Variants in CELSR1 observed in about 807,000 individuals in gnomAD.
The protein encoded by CELSR1 is cadherin EGF LAG seven-pass G-type receptor 1, also known as adhesion G protein-coupled receptor C1.
A neutral mutation model predicts 249.1 loss-of-function variants in CELSR1; 110 were observed. That is an observed-to-expected ratio of 0.44 (90% confidence interval 0.38 to 0.52). The LOEUF (loss-of-function observed/expected upper bound fraction) is 0.52, where lower values mean the gene tolerates loss of function less well. CELSR1 is among the 20% of genes least tolerant of loss of function. The pLI, the probability that CELSR1 is intolerant of heterozygous loss-of-function variation, is 0.00. For missense variants in CELSR1, 4,109 were observed against 4,296.4 expected (o/e 0.96, Z 1.22); for synonymous variants, 2,113 against 1,900.0 (o/e 1.11, Z -2.92).
In CELSR1 at chr22:46,398,550, G is replaced by C; in HGVS notation, c.5500C>G (p.Arg1834Gly). 1.2e-6 allele frequency: 2 copies of C among 1,612,804 alleles called. No homozygotes were observed. The highest frequency in any genetic ancestry group is 2.2e-5 in the South Asian group (2 of 91,004). Residue 1834 changes from arginine (R) to glycine (G), a missense_variant, in exon 11 of 35, where the codon CGC becomes GGC. Arg to Gly is a moderately radical substitution (Grantham distance 125). Coordinates refer to ENST00000674500, the MANE Select transcript of CELSR1 (RefSeq NM_001378328.1). The surrounding 1 kb of genome is among the most constrained non-coding windows in gnomAD (Gnocchi z 7.2). ...TGCATGCAGCCTCGGAATCCACGGCGCACGGAGACCTTGTCTTCAGAGGCG... is the reference window on the plus strand; with the variant it reads ...TGCATGCAGCCTCGGAATCCACGGCCCACGGAGACCTTGTCTTCAGAGGCG... ...GGASEDKVSV[R>G]RGFRGCMQGV... is the part of the protein sequence containing the mutation.
rs978102000 is a variant in CELSR1 at position 46,362,228 on chromosome 22, G to A, written c.*995C>T. 1 of 152,310 alleles carries A rather than the reference G, an allele frequency of 6.6e-6. No homozygotes were observed. The highest frequency in any genetic ancestry group is 2.4e-5 in the African/African-American group (1 of 41,474). 9.4% of individuals were successfully genotyped at this position (152,310 alleles called of 1,614,324 possible). ...CCCACCTGCAGCTCCCGGGCCACCT[G>A]GGAGGCGGTGAGGGGAGGGGGTGGT... is the stretch of plus-strand genomic sequence containing the variant. On this transcript the variant is annotated 3_prime_UTR_variant, in exon 35 of 35. Coordinates refer to ENST00000674500, the MANE Select transcript of CELSR1 (RefSeq NM_001378328.1).
Position 46,367,136 on chromosome 22 carries a change from G to T in CELSR1, c.8080-18C>A. The T allele has an allele frequency of 6.2e-7, 1 of 1,607,860 alleles. No individual in the cohort carries two copies. ...AAGGGGCCCTGGAGGGAGGAAGGTG[G>T]GGTCAGCACCTGCTGCTGCCTCCCT... On this transcript the variant is annotated intron_variant, in intron 28 of 34. Coordinates refer to ENST00000674500, the MANE Select transcript of CELSR1 (RefSeq NM_001378328.1).
In CELSR1 at chr22:46,428,806, G is replaced by A. The variant is rs892195648; in HGVS notation, c.4611+4587C>T. On this transcript the variant is annotated intron_variant, in intron 5 of 34. Transcript: ENST00000674500. The surrounding 1 kb of genome is among the most constrained non-coding windows in gnomAD (Gnocchi z 5.7). ...CTGCCTCACTGCACAGCTCACTCAC[G>A]GGTCCCCAGCGGGCCACACTGCCTG... is the stretch of plus-strand genomic sequence containing the variant. Among the ~76,000 whole-genome samples, 7 of 152,136 alleles carry A rather than the reference G, an allele frequency of 4.6e-5. No individual in the cohort carries two copies. The highest frequency in any genetic ancestry group is 1.9e-4 in the East Asian group (1 of 5,184).
In CELSR1 at chr22:46,428,118, C is replaced by T. The variant is rs1442867683; in HGVS notation, c.4611+5275G>A. On this transcript the variant is annotated intron_variant, in intron 5 of 34. Transcript: ENST00000674500. The surrounding 1 kb of genome is among the most constrained non-coding windows in gnomAD (Gnocchi z 5.7). ...ATGGAAATCTCAAAGCACTTACATC[C>T]TCTGCTCAACAGAAGCAGAGGCCGG... 2.6e-5 allele frequency among the ~76,000 whole-genome samples: 4 copies of T among 152,198 alleles called. No individual in the cohort carries two copies. Among genetic ancestry groups the T allele is most frequent in the Admixed American group, 6.5e-5 (1 of 15,286 alleles).
Position 46,535,611 on chromosome 22 carries a change from G to A in CELSR1, c.1560C>T (p.Asn520=). ...TCTGGACATCCTCGAAATCCAAGGG[G>A]TTGATCACATCCAGGATCCCGCTCA... is the stretch of plus-strand genomic sequence containing the variant. ...HSLSGILDVI[N]PLDFEDVQKY... is the part of the protein sequence containing the mutation. The change falls in exon 1 of 35, where the codon AAC becomes AAT. Residue 520 remains asparagine (N), a synonymous_variant. Coordinates refer to ENST00000674500, the MANE Select transcript of CELSR1 (RefSeq NM_001378328.1). 1.2e-6 allele frequency: 2 copies of A among 1,613,464 alleles called. No homozygotes were observed. Among genetic ancestry groups the A allele is most frequent in the East Asian group, 2.2e-5 (1 of 44,886 alleles).
rs1420526899 is a variant in CELSR1, at chr22:46,391,221, T to C, written c.6215A>G (p.Gln2072Arg). The part of the protein sequence containing the change: ...GIWWPQTKFG[Q>R]PAAVPCPKGS... ...CTTAGGGCATGGCACCGCAGCCGGC[T>C]GCCCGAACTTGGTCTGTGGCCACCA... Residue 2072 changes from glutamine to arginine, a missense_variant, in exon 16 of 35, where the codon CAG becomes CGG. Physicochemically the swap from Gln to Arg is conservative, Grantham distance 43 (BLOSUM62 1). Transcript: ENST00000674500. The surrounding 1 kb of genome is among the most constrained non-coding windows in gnomAD (Gnocchi z 4.3). 4.3e-6 allele frequency: 7 copies of C among 1,613,510 alleles called. No individual in the cohort carries two copies. The highest frequency in any genetic ancestry group is 4.5e-5 in the East Asian group (2 of 44,878).
At chr22:46,465,414 G>T (rs1237320003) in intron 1 of CELSR1, among the ~76,000 whole-genome samples, 4 of 152,042 alleles carry the variant, frequency 2.6e-5, no homozygotes, top group African/African-American at 9.7e-5. Flanking sequence ...CTGGGCCTCA[G>T]TAACTGCCCC....
intron 1 of CELSR1, among the ~76,000 whole-genome samples, chr22:46,509,727 C>T (rs1407000227): frequency 6.6e-6 from 1 of 151,996 alleles, no homozygotes; most frequent in Non-Finnish European, 1.5e-5. Flanking sequence ...CTGTGGGGCT[C>T]CTGAGGATGG....
chr22:46,453,851 A>G (rs1002244312), intron 2 of CELSR1, among the ~76,000 whole-genome samples: 2 of 152,094 alleles, frequency 1.3e-5, no homozygotes, highest in African/African-American at 4.8e-5. Context: ...CCTTCAACAA[A>G]TATTTACCGG....
At chr22:46,442,277 G>A (rs56294871) in intron 2 of CELSR1, among the ~76,000 whole-genome samples, 2,020 of 152,380 alleles carry the variant, frequency 0.013, 48 homozygotes, top group African/African-American at 0.046. Flanking sequence ...CTGAGACCCT[G>A]CACTCAGATT....
chr22:46,461,745 C>G lies in CELSR1; in HGVS notation c.4183+1962G>C, dbSNP rs1195428300. ...AGTAAAGATGGCGTCCTTGCCAACT[C>G]TTGGGAGCGTAACAGGCCCCTTTCC... On this transcript the variant is annotated intron_variant, in intron 2 of 34. Transcript: ENST00000674500. Among the ~76,000 whole-genome samples, 3 of 152,264 alleles carry G rather than the reference C, an allele frequency of 2.0e-5. No homozygotes were observed. In the South Asian group the frequency reaches 6.2e-4, roughly 31 times the overall value.
intron 1 of CELSR1, among the ~76,000 whole-genome samples, chr22:46,489,366 C>A (rs2080346079): frequency 6.6e-6 from 1 of 151,786 alleles, no homozygotes; most frequent in African/African-American, 2.4e-5. Context: ...CCTGTCCTGG[C>A]TTGAGAAGAA....
rs1283764294 is a variant in CELSR1 at position 46,433,778 on chromosome 22, G to A, written c.4523-297C>T. ...CAGCTCACTGCCACCTCCGCCTCCT[G>A]GGTTCAAGAGATTCTCCTGCCTCAG... On this transcript the variant is annotated intron_variant, in intron 4 of 34. Coordinates refer to ENST00000674500, the MANE Select transcript of CELSR1 (RefSeq NM_001378328.1). The surrounding 1 kb of genome is among the most constrained non-coding windows in gnomAD (Gnocchi z 5.7). Among the ~76,000 whole-genome samples, 1 of 152,084 alleles carries A rather than the reference G, an allele frequency of 6.6e-6. No individual in the cohort carries two copies. The highest frequency in any genetic ancestry group is 1.5e-5 in the Non-Finnish European group (1 of 68,028).
chr22:46,536,724 AG>A lies in CELSR1; in HGVS notation c.446del (p.Ala149ValfsTer95). The A allele has an allele frequency of 8.6e-7, 1 of 1,168,004 alleles. No individual in the cohort carries two copies. The highest frequency in any genetic ancestry group is 1.1e-6 in the Non-Finnish European group (1 of 948,628). 72.4% of individuals were successfully genotyped at this position (1,168,004 alleles called of 1,614,324 possible). A position where few individuals can be genotyped will look rare whatever the true frequency, so the allele number is the denominator to read the frequency against. ...AGCGGCAGGCGGGTAAGGTGGTCGGAGCTGCGAGCGCCGAATGCTGCGCGGC... is the reference window on the plus strand; with the variant it reads ...AGCGGCAGGCGGGTAAGGTGGTCGGACTGCGAGCGCCGAATGCTGCGCGGC... ...CAAAQHSALA[A>X]PTTLPACRCP... is the part of the protein sequence containing the mutation. On this transcript the variant is annotated frameshift_variant, in exon 1 of 35. Coordinates refer to ENST00000674500, the MANE Select transcript of CELSR1 (RefSeq NM_001378328.1). LOFTEE classifies it high-confidence loss of function.
chr22:46,446,706 C>T lies in CELSR1; in HGVS notation c.4184-7295G>A, dbSNP rs73890437. 0.035 allele frequency among the ~76,000 whole-genome samples: 5,322 copies of T among 152,230 alleles called. 329 individuals carry two copies. Among genetic ancestry groups the T allele is most frequent in the African/African-American group, 0.12 (4,940 of 41,520 alleles). On this transcript the variant is annotated intron_variant, in intron 2 of 34. Transcript: ENST00000674500. The surrounding 1 kb of genome is among the most constrained non-coding windows in gnomAD (Gnocchi z 5.5). ...GATTTCCCCAGTTCCAAGCCAATGA[C>T]TGATGCCTGCACTTAATCCATGAGT...
Position 46,381,142 on chromosome 22 carries a change from G to A in CELSR1, c.7089-187C>T, listed in dbSNP as rs953303158. Among the ~76,000 whole-genome samples, 2 of 152,154 alleles carry A rather than the reference G, an allele frequency of 1.3e-5. No homozygotes were observed. The highest frequency in any genetic ancestry group is 1.5e-5 in the Non-Finnish European group (1 of 68,030). On this transcript the variant is annotated intron_variant, in intron 21 of 34. Coordinates refer to ENST00000674500, the MANE Select transcript of CELSR1 (RefSeq NM_001378328.1). The surrounding 1 kb of genome is among the most constrained non-coding windows in gnomAD (Gnocchi z 6.0). ...TAGAGCAGGTTTTATCACTGACAGG[G>A]CACACAGAGAGAGGTGTCACCTTTG... is the stretch of plus-strand genomic sequence containing the variant.
Position 46,399,241 on chromosome 22 carries a change from A to T in CELSR1, c.5412+476T>A, listed in dbSNP as rs778474877. ...TTAAGTGTTCCGAACATTGTCTGGG[A>T]TACCACCACCTGCCTGCCTGGGACA... On this transcript the variant is annotated intron_variant, in intron 10 of 34. Coordinates refer to ENST00000674500, the MANE Select transcript of CELSR1 (RefSeq NM_001378328.1). This position sits in a 1 kb window ranked among gnomAD's most constrained non-coding sequence, Gnocchi z 5.0. Among the ~76,000 whole-genome samples, 12 of 152,126 alleles carry T rather than the reference A, an allele frequency of 7.9e-5. No homozygotes were observed. The highest frequency in any genetic ancestry group is 1.6e-4 in the Non-Finnish European group (11 of 68,022).
chr22:46,429,012 G>A lies in CELSR1; in HGVS notation c.4611+4381C>T, dbSNP rs1034949440. On this transcript the variant is annotated intron_variant, in intron 5 of 34. Coordinates refer to ENST00000674500, the MANE Select transcript of CELSR1 (RefSeq NM_001378328.1). The surrounding 1 kb of genome is among the most constrained non-coding windows in gnomAD (Gnocchi z 4.1). ...ATCTTGCTGGCACGTCTGTGTCCCC[G>A]ACCCTGCCAGGAGCTCCTGGAACAA... Among the ~76,000 whole-genome samples the A allele has an allele frequency of 6.6e-6, 1 of 152,072 alleles. No individual in the cohort carries two copies. Among genetic ancestry groups the A allele is most frequent in the African/African-American group, 2.4e-5 (1 of 41,422 alleles).
intron 20 of CELSR1, among the ~76,000 whole-genome samples, chr22:46,382,692 CGCACAATG>C (rs1419539460): frequency 2.0e-5 from 3 of 152,166 alleles, no homozygotes; most frequent in Non-Finnish European, 4.4e-5. Flanking sequence ...GCGCTCCATC[CGCACAATG>C]GAATATTACT....
Sources: allele counts gnomAD v4.1 joint callset (sites outside exome capture counted in the v4.1 genomes callset), GRCh38; gene constraint gnomAD v4.1.1; non-coding constraint Gnocchi (gnomAD v3.1); transcripts MANE v1.5; gene names NCBI Gene and HGNC (gene_info 2026-07-23, HGNC 2026-07-21).